The following DMD variants were observed in gnomAD, a reference collection of about 807,000 sequenced individuals.
The protein encoded by DMD is mutant dystrophin.
DMD carries 63 observed loss-of-function variants against 330.1 expected under a neutral mutation model. The observed-to-expected ratio is 0.19, with a 90% confidence interval of 0.16 to 0.24. The LOEUF (loss-of-function observed/expected upper bound fraction) is 0.24, where lower values mean the gene tolerates loss of function less well. DMD is among the 10% of genes least tolerant of loss of function. The pLI is 1.00. For missense variants in DMD, 3,344 were observed against 2,684.1 expected, an observed-to-expected ratio of 1.25 and a Z score of -5.43; for synonymous variants, 1,223 against 959.8, an observed-to-expected ratio of 1.27 and a Z score of -5.07.
chrX:33,055,028 G>A (rs1347461051), intron 1 of DMD, among the ~76,000 whole-genome samples: 3 of 111,796 alleles, frequency 2.7e-5, no homozygotes, highest in African/African-American at 9.8e-5. Flanking sequence ...ATGGTTAAGA[G>A]TTGTTATTGC....
intron 12 of DMD, among the ~76,000 whole-genome samples, chrX:32,601,133 G>C (rs189977422): frequency 8.5e-4 from 94 of 111,044 alleles, no homozygotes; most frequent in African/African-American, 3.1e-3. Context: ...TGGCCTGAAT[G>C]ATATGATCTG....
intron 41 of DMD, among the ~76,000 whole-genome samples, chrX:32,333,267 C>T (rs970034586): frequency 2.7e-5 from 3 of 111,701 alleles, no homozygotes; most frequent in Non-Finnish European, 3.8e-5. Flanking sequence ...CCAATCTTGA[C>T]GTCCTCTAAA....
At position 33,248,514 on chromosome X, in the gene DMD, T is replaced by G. The variant is rs190679273; in HGVS notation, c.7+90745A>C. 4.3e-3 allele frequency among the ~76,000 whole-genome samples: 483 copies of G among 112,144 alleles called. 1 individual carries two copies. Among genetic ancestry groups the G allele is most frequent in the African/African-American group, 0.014 (446 of 30,914 alleles). On this transcript the variant is annotated intron_variant, in intron 1 of 17. Transcript: ENST00000288447. Reference sequence around the variant, plus strand: ...TATTTTATTTTTTCACCCATTTTTATTCTCACATTTTATTTTTAGTAAAAC... The same window carrying G: ...TATTTTATTTTTTCACCCATTTTTAGTCTCACATTTTATTTTTAGTAAAAC...
intron 60 of DMD, among the ~76,000 whole-genome samples, chrX:31,351,136 A>T (rs150464356): frequency 4.7e-4 from 48 of 102,177 alleles, no homozygotes; most frequent in African/African-American, 1.8e-3. Context: ...TTATATATTC[A>T]CACACACATA....
intron 44 of DMD, among the ~76,000 whole-genome samples, chrX:32,087,490 T>G (rs1414569080): frequency 9.0e-6 from 1 of 111,443 alleles, no homozygotes; most frequent in Non-Finnish European, 1.9e-5. Flanking sequence ...TATATAAAAA[T>G]AGGAACATGA....
intron 7 of DMD, among the ~76,000 whole-genome samples, chrX:32,714,806 T>A (rs896029096): frequency 1.8e-5 from 2 of 112,050 alleles, no homozygotes; most frequent in African/African-American, 6.5e-5. Context: ...ATTTTGGAAC[T>A]TCTCTTTTTT....
intron 29 of DMD, among the ~76,000 whole-genome samples, chrX:32,437,922 G>A (rs1354992504): frequency 1.8e-5 from 2 of 111,920 alleles, no homozygotes; most frequent in African/African-American, 3.2e-5. Flanking sequence ...TGGAGGGAGA[G>A]GAATAAAATG....
At position 32,056,240 on chromosome X, in the gene DMD, C is replaced by T. The variant is rs1464594714; in HGVS notation, c.6439-87726G>A. Among the ~76,000 whole-genome samples, 4 of 108,875 alleles carry T rather than the reference C, an allele frequency of 3.7e-5. No individual in the cohort carries two copies. The Admixed American group carries it at 3.9e-4, about 11-fold the overall frequency. 94.5% of individuals were successfully genotyped at this position (108,875 alleles called of 115,157 possible). A position where few individuals can be genotyped will look rare whatever the true frequency, so the allele number is the denominator to read the frequency against. On this transcript the variant is annotated intron_variant, in intron 44 of 78. Coordinates refer to ENST00000357033, the MANE Select transcript of DMD (RefSeq NM_004006.3). ...AAAGACTTAGAAAAAGAAGGACAAA[C>T]TAAGCCCAAAGTTAGCAGAGGGAAG...
At chrX:32,330,148 G>C (rs1245204889) in intron 41 of DMD, among the ~76,000 whole-genome samples, 1 of 112,021 alleles carries the variant, frequency 8.9e-6, no homozygotes, top group Non-Finnish European at 1.9e-5. Flanking sequence ...AAAAATGATA[G>C]AATGTTTTTA....
chrX:33,324,094 A>G (rs1002627347), intron 1 of DMD, among the ~76,000 whole-genome samples: 9 of 111,653 alleles, frequency 8.1e-5, no homozygotes, highest in African/African-American at 2.9e-4. Flanking sequence ...AAATGAGGAA[A>G]ACTATTAATA....
chrX:31,853,253 T>C (rs113880992), intron 48 of DMD, among the ~76,000 whole-genome samples: 1,222 of 112,893 alleles, frequency 0.011, 10 homozygotes, highest in African/African-American at 0.038. Context: ...GTAAATATTT[T>C]AGACTTTGTG....
intron 2 of DMD, among the ~76,000 whole-genome samples, chrX:32,995,813 A>C (rs1472562640): frequency 8.9e-6 from 1 of 111,994 alleles, no homozygotes; most frequent in Non-Finnish European, 1.9e-5. Context: ...TGAAAATTTA[A>C]GGCAAATTAC....
At chrX:32,020,802 A>T (rs1257120833) in intron 44 of DMD, among the ~76,000 whole-genome samples, 1 of 112,746 alleles carries the variant, frequency 8.9e-6, no homozygotes, top group African/African-American at 3.2e-5. Context: ...ATTAATAATT[A>T]TATCTATTTA....
intron 48 of DMD, among the ~76,000 whole-genome samples, chrX:31,865,454 T>TA (rs1191803692): frequency 8.9e-6 from 1 of 112,195 alleles, no homozygotes; most frequent in Non-Finnish European, 1.9e-5. Context: ...ACACCACTTT[T>TA]AAAAAATTTT....
At chrX:32,733,604 G>T (rs943261817) in intron 7 of DMD, among the ~76,000 whole-genome samples, 44 of 111,488 alleles carry the variant, frequency 3.9e-4, no homozygotes, top group Non-Finnish European at 7.0e-4. Flanking sequence ...TCAGAATTAA[G>T]AATCTCACTC....
intron 37 of DMD, among the ~76,000 whole-genome samples, chrX:32,356,465 C>T (rs977106092): frequency 1.1e-4 from 12 of 108,032 alleles, no homozygotes; most frequent in African/African-American, 1.7e-4. Context: ...ATTTGATGCC[C>T]GATTGTCCAA....
intron 9 of DMD, among the ~76,000 whole-genome samples, chrX:32,694,150 C>G: frequency 9.0e-6 from 1 of 111,467 alleles, no homozygotes; most frequent in East Asian, 2.8e-4. Context: ...CTTTTTCTCT[C>G]CCCTTTCTAG....
At chrX:33,019,800 C>T (rs181614648) in intron 2 of DMD, among the ~76,000 whole-genome samples, 2 of 111,280 alleles carry the variant, frequency 1.8e-5, no homozygotes, top group East Asian at 5.7e-4. Flanking sequence ...ATTTTCACAA[C>T]AAAATTCCCT....
At chrX:31,300,127 G>A (rs1208899330) in intron 62 of DMD, among the ~76,000 whole-genome samples, 7 of 112,048 alleles carry the variant, frequency 6.2e-5, no homozygotes, top group South Asian at 3.7e-4. Flanking sequence ...CAAAGACTGC[G>A]TCGGTTGATT....
Sources: allele counts gnomAD v4.1 joint callset (sites outside exome capture counted in the v4.1 genomes callset), GRCh38; gene constraint gnomAD v4.1.1; transcripts MANE v1.5; gene names NCBI Gene and HGNC (gene_info 2026-07-23, HGNC 2026-07-21).